CLSTN2: variants seen among roughly 807,000 people sequenced by gnomAD.
CLSTN2 encodes calsyntenin-2.
A neutral mutation model predicts 101.2 loss-of-function variants in CLSTN2; 48 were observed. The ratio of observed to expected loss-of-function variants is 0.47; its 90% CI spans 0.38 to 0.60. CLSTN2 has a LOEUF of 0.60. CLSTN2 is among the 20% of genes least tolerant of loss of function. The pLI, the probability that CLSTN2 is intolerant of heterozygous loss-of-function variation, is 0.00. For synonymous variants in CLSTN2, 481 were observed against 463.6 expected, an observed-to-expected ratio of 1.04 and a Z score of -0.48; for missense variants, 1,160 against 1,238.2, an observed-to-expected ratio of 0.94 and a Z score of 0.95.
chr3:140,311,287 C>CTTTTTTTTTT lies in CLSTN2; in HGVS notation c.233-92315_233-92306dup, dbSNP rs750088450. ...ATAATAACAGCTAAGGTTTATTATC[C>CTTTTTTTTTT]TTTTTTTTTTTTTTTTTTTTTTTTT... On this transcript the variant is annotated intron_variant, in intron 2 of 16. Transcript: ENST00000458420. 7.1e-4 allele frequency among the ~76,000 whole-genome samples: 37 copies of CTTTTTTTTTT among 52,080 alleles called. 6 individuals carry two copies. Among genetic ancestry groups the CTTTTTTTTTT allele is most frequent in the East Asian group, 2.3e-3 (3 of 1,290 alleles). The allele number at this position is 52,080 out of a possible 152,430, so 34.2% of individuals were successfully genotyped here. A position where few individuals can be genotyped will look rare whatever the true frequency, so the allele number is the denominator to read the frequency against.
At chr3:140,084,087 G>A (rs932060218) in intron 1 of CLSTN2, among the ~76,000 whole-genome samples, 1 of 152,154 alleles carries the variant, frequency 6.6e-6, no homozygotes, top group African/African-American at 2.4e-5. Context: ...TTTTCATGAT[G>A]CTGCATATAA....
intron 5 of CLSTN2, among the ~76,000 whole-genome samples, chr3:140,437,918 T>A (rs2088704561): frequency 6.6e-6 from 1 of 152,216 alleles, no homozygotes; most frequent in Non-Finnish European, 1.5e-5. Flanking sequence ...TATGTTGTTT[T>A]TCCACTTAAC....
At chr3:140,379,562 C>T (rs1326175609) in intron 2 of CLSTN2, among the ~76,000 whole-genome samples, 2 of 152,176 alleles carry the variant, frequency 1.3e-5, no homozygotes, top group East Asian at 3.9e-4. Context: ...GCTGAAGATG[C>T]AATGCCTTTC....
intron 1 of CLSTN2, among the ~76,000 whole-genome samples, chr3:140,000,791 TA>T (rs1320574539): frequency 6.6e-6 from 1 of 152,178 alleles, no homozygotes; most frequent in Non-Finnish European, 1.5e-5. Flanking sequence ...TTCCTTTCTC[TA>T]GTTTTCTATC....
At chr3:140,023,640 C>T (rs147820232) in intron 1 of CLSTN2, among the ~76,000 whole-genome samples, 2 of 152,296 alleles carry the variant, frequency 1.3e-5, no homozygotes, top group African/African-American at 2.4e-5. Flanking sequence ...GTCCCCAGCA[C>T]ACTGGGGCAC....
intron 2 of CLSTN2, among the ~76,000 whole-genome samples, chr3:140,298,480 T>G (rs938174229): frequency 6.6e-6 from 1 of 152,172 alleles, no homozygotes; most frequent in Non-Finnish European, 1.5e-5. Context: ...AGATAAACAC[T>G]GAAACACATA....
chr3:140,463,506 A>G (rs1933613726), intron 7 of CLSTN2, among the ~76,000 whole-genome samples: 1 of 152,202 alleles, frequency 6.6e-6, no homozygotes, highest in Non-Finnish European at 1.5e-5. Flanking sequence ...TTGTCTGTAG[A>G]AAGGAAGTGA....
intron 6 of CLSTN2, among the ~76,000 whole-genome samples, chr3:140,451,980 G>T (rs1030219071): frequency 6.6e-6 from 1 of 152,188 alleles, no homozygotes; most frequent in African/African-American, 2.4e-5. Context: ...CAGGAAAAAT[G>T]AATTTAAGAC....
intron 8 of CLSTN2, among the ~76,000 whole-genome samples, chr3:140,524,238 G>C (rs1228847319): frequency 1.3e-5 from 2 of 151,890 alleles, no homozygotes; most frequent in Non-Finnish European, 2.9e-5. Context: ...CAGTGTGTTT[G>C]AAGTACCTGT....
intron 8 of CLSTN2, among the ~76,000 whole-genome samples, chr3:140,484,459 A>G (rs8179950): frequency 0.079 from 12,066 of 152,138 alleles, 634 homozygotes; most frequent in Non-Finnish European, 0.11. Context: ...CGCTCTTCTC[A>G]AGGAGTATCT....
intron 1 of CLSTN2, among the ~76,000 whole-genome samples, chr3:140,153,923 T>C (rs1168903597): frequency 6.6e-6 from 1 of 152,158 alleles, no homozygotes; most frequent in Admixed American, 6.5e-5. Flanking sequence ...CTGACAGCCA[T>C]GATGGATGCT....
chr3:139,945,782 C>G (rs1024940809), intron 1 of CLSTN2, among the ~76,000 whole-genome samples: 2 of 152,112 alleles, frequency 1.3e-5, no homozygotes, highest in African/African-American at 4.8e-5. Flanking sequence ...GAAATATAAC[C>G]ATTACAGAGG....
intron 1 of CLSTN2, among the ~76,000 whole-genome samples, chr3:140,058,587 G>C (rs2008140352): frequency 6.6e-6 from 1 of 152,148 alleles, no homozygotes; most frequent in Admixed American, 6.5e-5. Context: ...GGGAAGGAAA[G>C]GTCTATAACT....
chr3:140,305,022 AG>A, intron 2 of CLSTN2, among the ~76,000 whole-genome samples: 2 of 116,392 alleles, frequency 1.7e-5, no homozygotes, highest in Non-Finnish European at 3.8e-5. Flanking sequence ...ACACACACAG[AG>A]ACACACACAC....
chr3:140,402,025 C>T (rs576958221), intron 2 of CLSTN2, among the ~76,000 whole-genome samples: 29 of 150,930 alleles, frequency 1.9e-4, no homozygotes, highest in Non-Finnish European at 3.5e-4. Context: ...GGAGGGGTGG[C>T]GGCGGGGGAG....
intron 8 of CLSTN2, among the ~76,000 whole-genome samples, chr3:140,498,908 C>G (rs540252098): frequency 8.6e-5 from 13 of 150,988 alleles, no homozygotes; most frequent in Non-Finnish European, 1.6e-4. Context: ...GACAGCATGC[C>G]TTTGGAATCC....
At chr3:140,112,080 G>A (rs1263935088) in intron 1 of CLSTN2, among the ~76,000 whole-genome samples, 1 of 152,210 alleles carries the variant, frequency 6.6e-6, no homozygotes, top group African/African-American at 2.4e-5. Context: ...AAAACCCAGT[G>A]AAAGAATTGG....
intron 2 of CLSTN2, among the ~76,000 whole-genome samples, chr3:140,379,958 A>G (rs1363729337): frequency 6.6e-6 from 1 of 152,110 alleles, no homozygotes; most frequent in Admixed American, 6.5e-5. Flanking sequence ...TTGCCTTTTT[A>G]TATTTATAAA....
In CLSTN2 at chr3:140,243,264, G is replaced by A. The variant is rs76109294; in HGVS notation, c.232+67191G>A. Among the ~76,000 whole-genome samples the A allele has an allele frequency of 7.9e-5, 12 of 152,304 alleles. No homozygotes were observed. The East Asian group carries it at 2.1e-3, about 27-fold the overall frequency. On this transcript the variant is annotated intron_variant, in intron 2 of 16. Transcript: ENST00000458420. Reference sequence around the variant, plus strand: ...ATAGACTTTGGTCTTCCCTTCCCAAGTTAGGACGTGATTACTCACTCTCCA... The same window carrying A: ...ATAGACTTTGGTCTTCCCTTCCCAAATTAGGACGTGATTACTCACTCTCCA...
Sources: allele counts gnomAD v4.1 joint callset (sites outside exome capture counted in the v4.1 genomes callset), GRCh38; gene constraint gnomAD v4.1.1; transcripts MANE v1.5; gene names NCBI Gene and HGNC (gene_info 2026-07-23, HGNC 2026-07-21).